OXR1: variants seen among roughly 807,000 people sequenced by gnomAD.
OXR1 encodes oxidation resistance 1.
Under a neutral mutation model 104.6 loss-of-function variants are expected in OXR1, and 41 were observed. The ratio of observed to expected loss-of-function variants is 0.39; its 90% CI spans 0.31 to 0.51. The LOEUF (loss-of-function observed/expected upper bound fraction) is 0.51. Among genes scored for constraint, OXR1 ranks in the 20% least tolerant of loss-of-function variants. OXR1 has a pLI of 0.77. For missense variants in OXR1, 955 were observed against 1,031.9 expected, an observed-to-expected ratio of 0.93 and a Z score of 1.02; for synonymous variants, 348 against 348.4, an observed-to-expected ratio of 1.00 and a Z score of 0.01.
rs1034391659 is a variant in OXR1 at position 106,642,977 on chromosome 8, G to A, written c.221-36233G>A. Among the ~76,000 whole-genome samples, 5 of 152,192 alleles carry A rather than the reference G, an allele frequency of 3.3e-5. No homozygotes were observed. The East Asian group carries it at 9.6e-4, about 29-fold the overall frequency. On this transcript the variant is annotated intron_variant, in intron 3 of 16. Coordinates refer to ENST00000517566, the MANE Select transcript of OXR1 (RefSeq NM_001198533.2). ...GATTCATACTTCTTTAGATTAATGT[G>A]TTCAATGAGTGGTAGTCATTGTCAT...
chr8:106,320,679 T>G (rs1395766382), intron 1 of OXR1, among the ~76,000 whole-genome samples: 1 of 150,756 alleles, frequency 6.6e-6, no homozygotes, highest in Non-Finnish European at 1.5e-5. Context: ...CTTCTTTTTT[T>G]GGGGGGGGCG....
chr8:106,350,152 C>T (rs1324962881), intron 1 of OXR1, among the ~76,000 whole-genome samples: 2 of 151,990 alleles, frequency 1.3e-5, no homozygotes, highest in East Asian at 1.9e-4. Context: ...GACGGAGGCA[C>T]CAAAGAAGCT....
intron 3 of OXR1, among the ~76,000 whole-genome samples, chr8:106,556,760 T>C (rs1319036633): frequency 6.6e-6 from 1 of 152,190 alleles, no homozygotes; most frequent in Non-Finnish European, 1.5e-5. Context: ...GCCAAGTCTG[T>C]TTTACATAAT....
In OXR1 at chr8:106,667,530, A is replaced by G. The variant is rs142826715; in HGVS notation, c.221-11680A>G. 4.6e-5 allele frequency among the ~76,000 whole-genome samples: 7 copies of G among 152,296 alleles called. No individual in the cohort carries two copies. The East Asian group carries it at 1.3e-3, about 29-fold the overall frequency. On this transcript the variant is annotated intron_variant, in intron 3 of 16. Coordinates refer to ENST00000517566, the MANE Select transcript of OXR1 (RefSeq NM_001198533.2). ...AATGAAAAGTTCCTAAAAGGAAGAC[A>G]TGTTTGTATGCTGAGAGAAAGATGC...
chr8:106,382,482 T>C (rs16874481), intron 2 of OXR1, among the ~76,000 whole-genome samples: 6,932 of 152,192 alleles, frequency 0.046, 495 homozygotes, highest in African/African-American at 0.16. Flanking sequence ...CTAACATTGA[T>C]CTAGAGCTGC....
intron 1 of OXR1, among the ~76,000 whole-genome samples, chr8:106,291,114 T>TA (rs566355125): frequency 6.6e-6 from 1 of 152,050 alleles, no homozygotes; most frequent in Non-Finnish European, 1.5e-5. Flanking sequence ...TATGCAGCCA[T>TA]AAAAAAATGG....
chr8:106,494,500 T>C (rs1305721016), intron 2 of OXR1, among the ~76,000 whole-genome samples: 1 of 152,098 alleles, frequency 6.6e-6, no homozygotes, highest in East Asian at 1.9e-4. Flanking sequence ...TGAAGACAGG[T>C]GTCTGTAAGT....
At chr8:106,666,425 T>C (rs1280094565) in intron 3 of OXR1, among the ~76,000 whole-genome samples, 1 of 152,230 alleles carries the variant, frequency 6.6e-6, no homozygotes, top group African/African-American at 2.4e-5. Flanking sequence ...CTCTATCTAA[T>C]ATGGTAGCAA....
intron 3 of OXR1, among the ~76,000 whole-genome samples, chr8:106,664,266 A>G (rs1234926546): frequency 6.6e-6 from 1 of 152,222 alleles, no homozygotes; most frequent in Non-Finnish European, 1.5e-5. Flanking sequence ...GATGATTCTC[A>G]AACTTCAGCA....
chr8:106,669,517 A>AT (rs1826711773), intron 3 of OXR1, among the ~76,000 whole-genome samples: 2 of 151,964 alleles, frequency 1.3e-5, no homozygotes, highest in South Asian at 4.1e-4. Flanking sequence ...CTAGTATCTC[A>AT]TTATTGAGAG....
At chr8:106,736,174 C>G (rs3080474) in intron 11 of OXR1, among the ~76,000 whole-genome samples, 1 of 148,698 alleles carries the variant, frequency 6.7e-6, no homozygotes, top group Admixed American at 6.8e-5. Flanking sequence ...CACCCCCCCC[C>G]ATCCGCCCCC....
At chr8:106,556,092 A>G (rs1816262672) in intron 3 of OXR1, among the ~76,000 whole-genome samples, 4 of 152,036 alleles carry the variant, frequency 2.6e-5, no homozygotes, top group Admixed American at 2.6e-4. Context: ...AATATTCAGA[A>G]AAGATCAATC....
intron 2 of OXR1, among the ~76,000 whole-genome samples, chr8:106,461,862 T>C (rs1383551652): frequency 6.6e-6 from 1 of 152,096 alleles, no homozygotes; most frequent in Non-Finnish European, 1.5e-5. Flanking sequence ...ATACCACAGG[T>C]TATTCATTAT....
chr8:106,492,802 G>T (rs925706701), intron 2 of OXR1, among the ~76,000 whole-genome samples: 2 of 152,122 alleles, frequency 1.3e-5, no homozygotes, highest in Non-Finnish European at 2.9e-5. Context: ...AATAGTATAT[G>T]TTCCATATTA....
intron 11 of OXR1, among the ~76,000 whole-genome samples, chr8:106,725,837 T>C (rs1284538975): frequency 6.6e-6 from 1 of 152,262 alleles, no homozygotes; most frequent in Non-Finnish European, 1.5e-5. Flanking sequence ...AAATGTTCAT[T>C]CAAATCATTC....
intron 2 of OXR1, among the ~76,000 whole-genome samples, chr8:106,448,298 C>T (rs1385319690): frequency 6.6e-6 from 1 of 152,104 alleles, no homozygotes; most frequent in African/African-American, 2.4e-5. Flanking sequence ...GTTTGCTGTG[C>T]AGTATTCATT....
chr8:106,491,351 CAT>C lies in OXR1; in HGVS notation c.24-27589_24-27588del, dbSNP rs1811071146. 2.6e-5 allele frequency among the ~76,000 whole-genome samples: 4 copies of C among 152,318 alleles called. No individual in the cohort carries two copies. The South Asian group carries it at 8.3e-4, about 32-fold the overall frequency. On this transcript the variant is annotated intron_variant, in intron 2 of 16. Coordinates refer to ENST00000517566, the MANE Select transcript of OXR1 (RefSeq NM_001198533.2). ...TAATTAATATGTATGTGCAGACAAA[CAT>C]ATTCATTTGCCTACAGACAAACACA...
At chr8:106,419,355 C>T (rs1448418586) in intron 2 of OXR1, among the ~76,000 whole-genome samples, 1 of 152,116 alleles carries the variant, frequency 6.6e-6, no homozygotes, top group Admixed American at 6.6e-5. Flanking sequence ...CTTTGAAGCA[C>T]AGGGTGGTGT....
chr8:106,270,494 C>A (rs982340636), intron 1 of OXR1, 127 bp downstream of exon 1: 1 of 152,644 alleles, frequency 6.6e-6, no homozygotes, highest in East Asian at 1.9e-4. Flanking sequence ...TGCCTGGCGC[C>A]TCTCCGAGCC....
Sources: gnomAD v4.1 joint callset for allele counts (sites outside exome capture counted in the v4.1 genomes callset) on GRCh38, gnomAD v4.1.1 for gene constraint, MANE v1.5 for transcripts, NCBI Gene and HGNC (gene_info 2026-07-23, HGNC 2026-07-21) for gene names.